Variants in ZCWPW1 observed in about 807,000 individuals in gnomAD.
The protein encoded by ZCWPW1 is zinc finger CW-type PWWP domain protein 1.
ZCWPW1 carries 56 observed loss-of-function variants against 81.3 expected under a neutral mutation model. That is an observed-to-expected ratio of 0.69 (90% CI 0.56 to 0.86). The LOEUF (loss-of-function observed/expected upper bound fraction) is 0.86. Among genes scored for constraint, ZCWPW1 ranks in the 40% least tolerant of loss-of-function variants. The pLI is 0.00. For missense variants in ZCWPW1, 650 were observed against 769.8 expected, an observed-to-expected ratio of 0.84 and a Z score of 1.84; for synonymous variants, 250 against 273.7, an observed-to-expected ratio of 0.91 and a Z score of 0.86.
Position 100,402,536 on chromosome 7 carries a change from G to A in ZCWPW1, c.1454C>T (p.Thr485Ile), listed in dbSNP as rs368778865. 55 of 1,613,928 alleles carry A rather than the reference G, an allele frequency of 3.4e-5. No homozygotes were observed. In the Middle Eastern group the frequency reaches 4.9e-4, roughly 14 times the overall value. ...CTTACCTCTTGGCTTGGTTTTTTGG[G>A]TCTGTATTTTGACTCGCTTACGAAT... ...LPIRKRVKIQ[T>I]QKTKPRGLGG... is the part of the protein sequence containing the mutation. Residue 485 changes from threonine (T) to isoleucine (I), a missense_variant, in exon 16 of 18, where the codon ACC (threonine) becomes ATC (isoleucine). Thr to Ile is a moderately conservative substitution (Grantham distance 89, BLOSUM62 -1). Coordinates refer to ENST00000684423, the MANE Select transcript of ZCWPW1 (RefSeq NM_001386010.1).
intron 8 of ZCWPW1, among the ~76,000 whole-genome samples, chr7:100,414,381 T>C (rs1283157142): frequency 6.6e-6 from 1 of 152,186 alleles, no homozygotes. Flanking sequence ...GGGGTTTTTG[T>C]TTTTGTTTGG....
chr7:100,405,188 G>A lies in ZCWPW1; in HGVS notation c.1174-95C>T. 2.6e-6 allele frequency: 3 copies of A among 1,174,280 alleles called. No homozygotes were observed. In the South Asian group the frequency reaches 3.7e-5, roughly 14 times the overall value. The allele number at this position is 1,174,280 out of a possible 1,614,324, so 72.7% of individuals were successfully genotyped here. A position where few individuals can be genotyped will look rare whatever the true frequency, so the allele number is the denominator to read the frequency against. On this transcript the variant is annotated intron_variant, in intron 12 of 17. Transcript: ENST00000684423. ...CTCACACCTGTAATCCCAGCACTTT[G>A]GGAGGCCGAGTCAGGTAGATCACGA...
rs188045324 is a variant in ZCWPW1 at position 100,401,241 on chromosome 7, G to A, written c.1723C>T (p.Leu575=). ...GGGCAGGCCCCCTTACACGCTGATA[G>A]GCCCAGGTTCTTTGGCACTGTTCTA... ...EVRTVPKNLG[L]SACKGACPSS... Residue 575 remains leucine (L), a synonymous_variant, in exon 18 of 18, where the codon CTA becomes TTA. Coordinates refer to ENST00000684423, the MANE Select transcript of ZCWPW1 (RefSeq NM_001386010.1). 4 of 1,614,216 alleles carry A rather than the reference G, an allele frequency of 2.5e-6. No homozygotes were observed. The African/African-American group carries it at 5.3e-5, about 22-fold the overall frequency.
intron 1 of ZCWPW1, among the ~76,000 whole-genome samples, chr7:100,427,684 G>A (rs1418313513): frequency 6.7e-6 from 1 of 148,980 alleles, no homozygotes; most frequent in Non-Finnish European, 1.5e-5. Flanking sequence ...GGGCGACAGA[G>A]CGAGACAGTC....
intron 2 of ZCWPW1, among the ~76,000 whole-genome samples, chr7:100,424,650 C>T (rs1026511461): frequency 1.3e-5 from 2 of 151,840 alleles, no homozygotes; most frequent in Admixed American, 6.6e-5. Flanking sequence ...TTAGTAGAGA[C>T]GGGGTTTCAC....
intron 8 of ZCWPW1, among the ~76,000 whole-genome samples, chr7:100,415,137 G>A (rs1000719121): frequency 3.1e-5 from 4 of 129,076 alleles, no homozygotes; most frequent in Non-Finnish European, 6.3e-5. Context: ...AGGCTGGAGT[G>A]CAGTGGCACA....
At chr7:100,406,379 A>G (rs1023182827) in intron 12 of ZCWPW1, among the ~76,000 whole-genome samples, 5 of 152,184 alleles carry the variant, frequency 3.3e-5, no homozygotes, top group Admixed American at 3.3e-4. Context: ...CGAAATGCCA[A>G]TAGTGCTGAG....
At chr7:100,428,238 G>C (rs958587728) in intron 1 of ZCWPW1, among the ~76,000 whole-genome samples, 1 of 152,106 alleles carries the variant, frequency 6.6e-6, no homozygotes, top group African/African-American at 2.4e-5. Context: ...CCTCAACCCA[G>C]GTTTCCCGCC....
At chr7:100,404,809 C>T (rs557873684) in intron 13 of ZCWPW1, among the ~76,000 whole-genome samples, 5 of 152,234 alleles carry the variant, frequency 3.3e-5, no homozygotes, top group African/African-American at 1.2e-4. Flanking sequence ...GTTTTTTACT[C>T]TCTATCCTAC....
chr7:100,418,286 A>C (rs1795724400), intron 5 of ZCWPW1, among the ~76,000 whole-genome samples: 1 of 152,210 alleles, frequency 6.6e-6, no homozygotes, highest in Non-Finnish European at 1.5e-5. Flanking sequence ...AAGTTTTTCA[A>C]ATCTAGGGAA....
At position 100,415,896 on chromosome 7, in the gene ZCWPW1, C is replaced by G. The variant is rs1291421423; in HGVS notation, c.754+79G>C. 9 of 1,575,202 alleles carry G rather than the reference C, an allele frequency of 5.7e-6. No individual in the cohort carries two copies. In the Admixed American group the frequency reaches 1.6e-4, roughly 28 times the overall value. The stretch of plus-strand genomic sequence containing the variant: ...TTGACTATATTCTTTGCAGAGGTTC[C>G]TCTAACATCCTAACCCTGCCTCTCT... On this transcript the variant is annotated intron_variant, in intron 8 of 17. Coordinates refer to ENST00000684423, the MANE Select transcript of ZCWPW1 (RefSeq NM_001386010.1).
intron 1 of ZCWPW1, 83 bp downstream of exon 1, chr7:100,428,485 C>T (rs1798180353): frequency 6.7e-6 from 1 of 150,084 alleles, no homozygotes; most frequent in Non-Finnish European, 1.5e-5. Flanking sequence ...CATCTACTAA[C>T]TTTTCTGTTT....
chr7:100,408,234 A>C (rs1793467281), intron 10 of ZCWPW1, among the ~76,000 whole-genome samples: 1 of 152,146 alleles, frequency 6.6e-6, no homozygotes, highest in Non-Finnish European at 1.5e-5. Flanking sequence ...TACAGGTGTG[A>C]GCCACTGCGC....
chr7:100,422,516 T>C (rs565464468), intron 2 of ZCWPW1, among the ~76,000 whole-genome samples: 19 of 152,386 alleles, frequency 1.2e-4, no homozygotes, highest in African/African-American at 4.6e-4. Flanking sequence ...AGTATTTTTA[T>C]TTTCCAATTT....
chr7:100,417,716 TAA>T (rs1262935759), intron 5 of ZCWPW1, among the ~76,000 whole-genome samples: 2 of 140,672 alleles, frequency 1.4e-5, no homozygotes. Context: ...AGACTCCATC[TAA>T]AAAAAAAAAA....
intron 9 of ZCWPW1, 47 bp downstream of exon 9, chr7:100,409,381 G>C (rs1408710520): frequency 2.1e-6 from 3 of 1,421,202 alleles, no homozygotes; most frequent in Admixed American, 1.7e-5. Flanking sequence ...GAGAAAGAAA[G>C]GGAGGAACAA....
At position 100,416,410 on chromosome 7, in the gene ZCWPW1, C is replaced by T; in HGVS notation, c.526G>A (p.Glu176Lys). The change falls in exon 7 of 18, where the codon GAA becomes AAA. Residue 176 changes from glutamate to lysine, a missense_variant. Physicochemically the swap from Glu to Lys is moderately conservative, Grantham distance 56. Transcript: ENST00000684423. The part of the protein sequence containing the change: ...TQEISVSWEG[E>K]AAPEIRTSKL... ...GATGTCCTTATCTCAGGGGCAGCTT[C>T]ACCTTCCCAAGACACTGAAATCTCT... The T allele has an allele frequency of 6.2e-7, 1 of 1,614,190 alleles. No individual in the cohort carries two copies. Among genetic ancestry groups the T allele is most frequent in the Non-Finnish European group, 8.5e-7 (1 of 1,180,034 alleles).
intron 8 of ZCWPW1, among the ~76,000 whole-genome samples, chr7:100,411,298 G>A (rs1374773046): frequency 1.3e-5 from 2 of 149,054 alleles, no homozygotes; most frequent in Non-Finnish European, 3.0e-5. Flanking sequence ...ACACAGTCTC[G>A]CTCTGTTGCC....
chr7:100,420,506 T>A, intron 3 of ZCWPW1, 116 bp downstream of exon 3: 1 of 1,217,966 alleles, frequency 8.2e-7, no homozygotes, highest in East Asian at 2.3e-5. Flanking sequence ...GAGCAGTAAT[T>A]TGACCTGAGT....
Sources: gnomAD v4.1 joint callset for allele counts (sites outside exome capture counted in the v4.1 genomes callset) on GRCh38, gnomAD v4.1.1 for gene constraint, MANE v1.5 for transcripts, NCBI Gene and HGNC (gene_info 2026-07-23, HGNC 2026-07-21) for gene names.